The following RGS17 variants were observed in gnomAD, a reference collection of about 807,000 sequenced individuals.
The protein encoded by RGS17 is regulator of G protein signaling 17.
A neutral mutation model predicts 25.5 loss-of-function variants in RGS17; 12 were observed. The observed-to-expected ratio is 0.47, with a 90% confidence interval of 0.30 to 0.76. The LOEUF is 0.76. Ranked by LOEUF, RGS17 falls within the 30% of genes least tolerant of loss-of-function variation. The pLI is 0.07. For missense variants in RGS17, 196 were observed against 242.2 expected (o/e 0.81, Z 1.27); for synonymous variants, 71 against 76.9 (o/e 0.92, Z 0.40).
intron 1 of RGS17, among the ~76,000 whole-genome samples, chr6:153,105,513 T>C (rs998422425): frequency 6.6e-6 from 1 of 152,182 alleles, no homozygotes; most frequent in Non-Finnish European, 1.5e-5. Context: ...TGTGAAATCA[T>C]GAAGGTCTAT....
chr6:153,125,256 T>C (rs942304756), intron 1 of RGS17, among the ~76,000 whole-genome samples: 2 of 152,162 alleles, frequency 1.3e-5, no homozygotes, highest in Non-Finnish European at 2.9e-5. Context: ...ACCACAATCA[T>C]TGACTACAAT....
chr6:153,049,619 C>T (rs1488343533), intron 1 of RGS17, among the ~76,000 whole-genome samples: 2 of 151,898 alleles, frequency 1.3e-5, no homozygotes, highest in African/African-American at 2.4e-5. Context: ...GGTGTGGTGG[C>T]GGGCGACTGT....
intron 4 of RGS17, among the ~76,000 whole-genome samples, 197 bp from the exon 5 acceptor site, chr6:153,011,959 A>G (rs1057244190): frequency 2.1e-4 from 32 of 150,844 alleles, no homozygotes; most frequent in African/African-American, 7.6e-4. Flanking sequence ...AAAAAATCCA[A>G]TTAAGTCTTT....
intron 4 of RGS17, among the ~76,000 whole-genome samples, chr6:153,016,051 T>G (rs965296058): frequency 6.6e-6 from 1 of 152,226 alleles, no homozygotes; most frequent in African/African-American, 2.4e-5. Context: ...ACCTGCAGTA[T>G]TGCTGAAGCA....
chr6:153,099,427 C>A (rs1777262125), intron 1 of RGS17, among the ~76,000 whole-genome samples: 1 of 152,150 alleles, frequency 6.6e-6, no homozygotes, highest in Non-Finnish European at 1.5e-5. Flanking sequence ...ATAAGTATTA[C>A]CCTGACTTAA....
chr6:153,093,093 T>G (rs1457971749), intron 1 of RGS17, among the ~76,000 whole-genome samples: 1 of 152,232 alleles, frequency 6.6e-6, no homozygotes, highest in Admixed American at 6.5e-5. Context: ...CCAAGTATTA[T>G]GTACTTGAAA....
At chr6:153,081,407 T>C (rs1776978218) in intron 1 of RGS17, among the ~76,000 whole-genome samples, 1 of 152,180 alleles carries the variant, frequency 6.6e-6, no homozygotes, top group South Asian at 2.1e-4. Flanking sequence ...TTATGGTTAC[T>C]GACTTGGCAG....
intron 1 of RGS17, among the ~76,000 whole-genome samples, chr6:153,081,281 A>C (rs1426841269): frequency 6.6e-6 from 1 of 151,952 alleles, no homozygotes; most frequent in Non-Finnish European, 1.5e-5. Flanking sequence ...AAGTCCTCTT[A>C]TTGTTTACAT....
chr6:153,084,197 T>C (rs909671590), intron 1 of RGS17, among the ~76,000 whole-genome samples: 5 of 152,306 alleles, frequency 3.3e-5, no homozygotes, highest in African/African-American at 9.6e-5. Context: ...TGGAGCTTTA[T>C]CAATGCAGAA....
intron 1 of RGS17, among the ~76,000 whole-genome samples, chr6:153,112,339 C>G (rs945291561): frequency 2.0e-5 from 3 of 151,966 alleles, no homozygotes; most frequent in Admixed American, 6.6e-5. Context: ...TGAAGATCAA[C>G]TTAATGAAAT....
At chr6:153,067,104 A>G (rs1027142273) in intron 1 of RGS17, among the ~76,000 whole-genome samples, 27 of 152,246 alleles carry the variant, frequency 1.8e-4, no homozygotes, top group African/African-American at 6.5e-4. Context: ...ATATTATAAA[A>G]TTCAACATTC....
intron 1 of RGS17, among the ~76,000 whole-genome samples, chr6:153,103,902 C>A (rs999690768): frequency 3.3e-5 from 5 of 152,164 alleles, no homozygotes; most frequent in Non-Finnish European, 7.3e-5. Context: ...CCATAATTAC[C>A]ATCCAGCTTC....
At chr6:153,067,642 G>T (rs551606183) in intron 1 of RGS17, among the ~76,000 whole-genome samples, 3 of 152,078 alleles carry the variant, frequency 2.0e-5, no homozygotes, top group Non-Finnish European at 4.4e-5. Flanking sequence ...ATAAAACACT[G>T]ATGAAATAAA....
chr6:153,048,199 A>G (rs78585520), intron 1 of RGS17, among the ~76,000 whole-genome samples: 6 of 152,170 alleles, frequency 3.9e-5, no homozygotes, highest in African/African-American at 1.4e-4. Flanking sequence ...TTTCCCAAAA[A>G]CATGTTCTTC....
At chr6:153,021,477 G>A (rs984707664) in intron 4 of RGS17, among the ~76,000 whole-genome samples, 2 of 152,216 alleles carry the variant, frequency 1.3e-5, no homozygotes, top group African/African-American at 4.8e-5. Flanking sequence ...AATGAGTCGA[G>A]TCAATGAACA....
chr6:153,038,814 T>A (rs923701732), intron 2 of RGS17, among the ~76,000 whole-genome samples: 1 of 152,156 alleles, frequency 6.6e-6, no homozygotes, highest in African/African-American at 2.4e-5. Context: ...AAACAGGACA[T>A]TATTTTTGCA....
chr6:153,056,838 CTGTGTGTGTGTGTGTGTGTGTGTG>C (rs59058708), intron 1 of RGS17, among the ~76,000 whole-genome samples: 2 of 144,384 alleles, frequency 1.4e-5, no homozygotes, highest in African/African-American at 2.6e-5. Flanking sequence ...AGAGGAAGGG[CTGTGTGTGTGTGTGTGTGTGTGTG>C]TGTGTGTGTG....
intron 1 of RGS17, among the ~76,000 whole-genome samples, chr6:153,115,893 C>T (rs1484349820): frequency 6.6e-6 from 1 of 152,180 alleles, no homozygotes; most frequent in Non-Finnish European, 1.5e-5. Context: ...AAACTGGACA[C>T]CTTCCTTACA....
chr6:153,066,748 T>G (rs888582214), intron 1 of RGS17, among the ~76,000 whole-genome samples: 1 of 151,936 alleles, frequency 6.6e-6, no homozygotes, highest in Admixed American at 6.6e-5. Context: ...ACAAAAAACA[T>G]ATGAACATGT....
Sources: gnomAD v4.1 joint callset for allele counts (sites outside exome capture counted in the v4.1 genomes callset) on GRCh38, gnomAD v4.1.1 for gene constraint, MANE v1.5 for transcripts, NCBI Gene and HGNC (gene_info 2026-07-23, HGNC 2026-07-21) for gene names.